ITIH6: variants seen among roughly 807,000 people sequenced by gnomAD.
ITIH6 encodes the protein inter-alpha-trypsin inhibitor heavy chain H6.
A neutral mutation model predicts 58.2 loss-of-function variants in ITIH6; 60 were observed. The ratio of observed to expected loss-of-function variants is 1.03; its 90% CI spans 0.84 to 1.28. The LOEUF (loss-of-function observed/expected upper bound fraction) is 1.28, where lower values mean the gene tolerates loss of function less well. Ranked by LOEUF, ITIH6 falls within the 50% of genes most tolerant of loss-of-function variation. The pLI, the probability that ITIH6 is intolerant of heterozygous loss-of-function variation, is 0.00. For missense variants in ITIH6, 1,290 were observed against 1,021.1 expected (o/e 1.26, Z -3.59); for synonymous variants, 493 against 417.4 (o/e 1.18, Z -2.21).
intron 5 of ITIH6, among the ~76,000 whole-genome samples, chrX:54,776,188 A>T (rs1461876111): frequency 6.3e-5 from 7 of 110,477 alleles, no homozygotes; most frequent in Non-Finnish European, 1.1e-4. Context: ...GAGTAAAAAA[A>T]AAAAACTGAA....
chrX:54,767,716 A>C (rs1292851860), intron 6 of ITIH6, among the ~76,000 whole-genome samples: 1 of 103,165 alleles, frequency 9.7e-6, no homozygotes, highest in Non-Finnish European at 1.9e-5. Context: ...TGAGATTCTT[A>C]ATCCTGAGTT....
chrX:54,779,903 G>GA (rs928629156), intron 5 of ITIH6, among the ~76,000 whole-genome samples: 1 of 111,400 alleles, frequency 9.0e-6, no homozygotes, highest in East Asian at 2.8e-4. Context: ...GCCATACAGA[G>GA]AAAAAATCTA....
intron 4 of ITIH6, among the ~76,000 whole-genome samples, chrX:54,789,579 C>CCCGGACTCAAAT (rs1264740223): frequency 8.9e-6 from 1 of 112,158 alleles, no homozygotes; most frequent in African/African-American, 3.2e-5. Flanking sequence ...CTGAAGAGTG[C>CCCGGACTCAAAT]GGCCTGCCCG....
At chrX:54,760,685 G>A (rs889054312) in intron 6 of ITIH6, among the ~76,000 whole-genome samples, 1 of 111,346 alleles carries the variant, frequency 9.0e-6, no homozygotes, top group African/African-American at 3.3e-5. Context: ...AGAACATGTG[G>A]TGTTTGGCTT....
chrX:54,760,405 G>T (rs1254593646), intron 6 of ITIH6, among the ~76,000 whole-genome samples: 1 of 110,928 alleles, frequency 9.0e-6, no homozygotes, highest in East Asian at 2.8e-4. Context: ...CATGACCCGG[G>T]ATTCAATGAT....
chrX:54,757,717 G>A lies in ITIH6; in HGVS notation c.2357C>T (p.Pro786Leu). ...VKCVTPLHSK[P>L]GAPSHPQLGA... is the part of the protein sequence containing the mutation. Reference sequence around the variant, plus strand: ...AAGTTGGGGGTGCGATGGAGCACCAGGTTTGGAATGCAGTGGAGTAACACA... The same window carrying A: ...AAGTTGGGGGTGCGATGGAGCACCAAGTTTGGAATGCAGTGGAGTAACACA... Residue 786 changes from proline (P) to leucine (L), a missense_variant, in exon 8 of 13, where the codon CCT becomes CTT. Pro to Leu is a moderately conservative substitution (Grantham distance 98, BLOSUM62 -3). Coordinates refer to ENST00000218436, the MANE Select transcript of ITIH6 (RefSeq NM_198510.3). 8.3e-7 allele frequency: 1 copy of A among 1,211,638 alleles called. No individual in the cohort carries two copies. The highest frequency in any genetic ancestry group is 1.1e-6 in the Non-Finnish European group (1 of 895,410).
chrX:54,751,175 C>G lies in ITIH6; in HGVS notation c.3558G>C (p.Gln1186His). The G allele has an allele frequency of 1.7e-6, 2 of 1,211,578 alleles. No individual in the cohort carries two copies. The highest frequency in any genetic ancestry group is 2.3e-4 in the Middle Eastern group (1 of 4,356). Residue 1186 changes from glutamine to histidine, a missense_variant, in exon 12 of 13, where the codon CAG becomes CAC. Coordinates refer to ENST00000218436, the MANE Select transcript of ITIH6 (RefSeq NM_198510.3). ...CTGCAGCAGCCACATAGAGCTCCAG[C>G]TGGGGCCTCTTCAGCAGGGCAGGTT... ...WDQPALLKRP[Q>H]LELYVAAAAR...
rs1928600059 is a variant in ITIH6 at position 54,759,901 on chromosome X, G to C, written c.930C>G (p.Leu310=). ...AGTAGTCATTGGCTTGAAGGTCACT[G>C]AGGATCACATTCATGGCCGTTTTAG... ...EQTKTAMNVI[L]SDLQANDYFN... Residue 310 remains leucine (L), a synonymous_variant, in exon 7 of 13, where the codon CTC becomes CTG. Coordinates refer to ENST00000218436, the MANE Select transcript of ITIH6 (RefSeq NM_198510.3). The C allele has an allele frequency of 8.3e-7, 1 of 1,209,814 alleles. No homozygotes were observed. The highest frequency in any genetic ancestry group is 1.1e-6 in the Non-Finnish European group (1 of 893,929).
Position 54,774,204 on chromosome X carries a change from C to CAAAA in ITIH6, c.787-11_787-8dup. On this transcript the variant is annotated splice_region_variant and splice_polypyrimidine_tract_variant and intron_variant, in intron 5 of 12. Coordinates refer to ENST00000218436, the MANE Select transcript of ITIH6 (RefSeq NM_198510.3). ...TGAAATAGTCATCGTAAATCTGGAC[C>CAAAA]AAAAAAAAAAAAAAAAAAGTAGAAC... The CAAAA allele has an allele frequency of 2.3e-5, 14 of 597,356 alleles. No individual in the cohort carries two copies. Among genetic ancestry groups the CAAAA allele is most frequent in the South Asian group, 3.9e-5 (1 of 25,426 alleles). 49.2% of individuals were successfully genotyped at this position (597,356 alleles called of 1,213,427 possible).
At chrX:54,753,566 G>T (rs933322322) in intron 11 of ITIH6, 85 bp downstream of exon 11, 5 of 635,981 alleles carry the variant, frequency 7.9e-6, no homozygotes, top group Middle Eastern at 3.4e-4. Context: ...TATGTGTCTG[G>T]GGTATTAACC....
In ITIH6 at chrX:54,757,554, C is replaced by A. The variant is rs756596925; in HGVS notation, c.2520G>T (p.Leu840=). 1 of 1,207,838 alleles carries A rather than the reference C, an allele frequency of 8.3e-7. No homozygotes were observed. The highest frequency in any genetic ancestry group is 1.8e-5 in the African/African-American group (1 of 56,649). The change falls in exon 8 of 13, where the codon CTG becomes CTT. Residue 840 remains leucine, a synonymous_variant. Transcript: ENST00000218436. ...TCTTGGACAAGAGGATTCCAGGCCCCAGGTGTGGCATGTTGTTTCGGGTCT... is the reference window on the plus strand; with the variant it reads ...TCTTGGACAAGAGGATTCCAGGCCCAAGGTGTGGCATGTTGTTTCGGGTCT... ...APKTRNNMPH[L]GPGILLSKTP...
At chrX:54,788,345 T>C (rs1929279158) in intron 5 of ITIH6, 135 bp downstream of exon 5, 1 of 513,476 alleles carries the variant, frequency 1.9e-6, no homozygotes, top group Admixed American at 3.7e-5. Context: ...GTGTGTCTTT[T>C]CACGTCAGCC....
At chrX:54,763,462 C>T (rs1027660150) in intron 6 of ITIH6, among the ~76,000 whole-genome samples, 1 of 112,046 alleles carries the variant, frequency 8.9e-6, no homozygotes, top group African/African-American at 3.2e-5. Context: ...TGAGATTTCC[C>T]AGCTATCTTT....
At chrX:54,751,918 AC>A (rs1928371366) in intron 11 of ITIH6, among the ~76,000 whole-genome samples, 1 of 111,484 alleles carries the variant, frequency 9.0e-6, no homozygotes, top group African/African-American at 3.3e-5. Flanking sequence ...ATTTCATATA[AC>A]TAGTGTAGCA....
At chrX:54,759,732 T>C in intron 7 of ITIH6, 24 bp downstream of exon 7, 1 of 1,176,074 alleles carries the variant, frequency 8.5e-7, no homozygotes, top group Non-Finnish European at 1.1e-6. Flanking sequence ...CCTGCCCATT[T>C]GGGTGGGTAG....
chrX:54,757,039 G>A lies in ITIH6; in HGVS notation c.3035C>T (p.Ser1012Leu). ...LPEELELLSE[S>L]MVESKFVESL... ...CTCCACGAACTTGGATTCCACCATTGATTCAGACAGCAGCTCTAGCTCCTC... is the reference window on the plus strand; with the variant it reads ...CTCCACGAACTTGGATTCCACCATTAATTCAGACAGCAGCTCTAGCTCCTC... Residue 1012 changes from serine (S) to leucine (L), a missense_variant, in exon 8 of 13, where the codon TCA (serine) becomes TTA (leucine). Physicochemically the swap from Ser to Leu is moderately radical, Grantham distance 145. Coordinates refer to ENST00000218436, the MANE Select transcript of ITIH6 (RefSeq NM_198510.3). 1 of 1,210,955 alleles carries A rather than the reference G, an allele frequency of 8.3e-7. No homozygotes were observed. The highest frequency in any genetic ancestry group is 1.1e-6 in the Non-Finnish European group (1 of 895,095).
chrX:54,793,474 A>C (rs1222704749), intron 2 of ITIH6, among the ~76,000 whole-genome samples: 1 of 111,929 alleles, frequency 8.9e-6, no homozygotes, highest in Non-Finnish European at 1.9e-5. Context: ...CTCAGCTAAA[A>C]ATCTTAGAGT....
chrX:54,761,902 G>A (rs192487010), intron 6 of ITIH6, among the ~76,000 whole-genome samples: 13 of 111,798 alleles, frequency 1.2e-4, no homozygotes, highest in African/African-American at 3.9e-4. Context: ...TTTGGCTTAA[G>A]ACTGACTTGG....
At chrX:54,764,189 T>A (rs1295256375) in intron 6 of ITIH6, among the ~76,000 whole-genome samples, 1 of 112,086 alleles carries the variant, frequency 8.9e-6, no homozygotes. Flanking sequence ...CATTTATGAT[T>A]GCAGTCATTA....
Sources: allele counts gnomAD v4.1 joint callset (sites outside exome capture counted in the v4.1 genomes callset), GRCh38; gene constraint gnomAD v4.1.1; transcripts MANE v1.5; gene names NCBI Gene and HGNC (gene_info 2026-07-23, HGNC 2026-07-21).